The following CDH10 variants were observed in gnomAD, a reference collection of about 807,000 sequenced individuals.
CDH10 encodes cadherin 10.
CDH10 carries 30 observed loss-of-function variants against 73.1 expected under a neutral mutation model. That is an observed-to-expected ratio of 0.41 (90% CI 0.31 to 0.56). The LOEUF is 0.56. Among genes scored for constraint, CDH10 ranks in the 20% least tolerant of loss-of-function variants. CDH10 has a pLI of 0.27. For synonymous variants in CDH10, 345 were observed against 348.2 expected (o/e 0.99, Z 0.10); for missense variants, 815 against 973.7 (o/e 0.84, Z 2.17).
intron 2 of CDH10, among the ~76,000 whole-genome samples, chr5:24,539,976 T>C (rs1330301724): frequency 6.6e-6 from 1 of 152,084 alleles, no homozygotes; most frequent in Non-Finnish European, 1.5e-5. Context: ...TGAGCTGTTA[T>C]GGTTTACAGT....
chr5:24,625,248 T>A lies in CDH10; in HGVS notation c.-124+19346A>T, dbSNP rs113002808. ...CCCAATATACTGTTACTACCACTTT[T>A]ATCTTTGTCAAAGGACAGAACTCTC... is the stretch of plus-strand genomic sequence containing the variant. On this transcript the variant is annotated intron_variant, in intron 1 of 11. Coordinates refer to ENST00000264463, the MANE Select transcript of CDH10 (RefSeq NM_006727.5). Among the ~76,000 whole-genome samples the A allele has an allele frequency of 1.2e-3, 174 of 140,944 alleles. 1 individual carries two copies. The highest frequency in any genetic ancestry group is 7.2e-3 in the Middle Eastern group (2 of 278). 92.5% of individuals were successfully genotyped at this position (140,944 alleles called of 152,430 possible).
At chr5:24,557,085 T>G (rs1744793891) in intron 2 of CDH10, among the ~76,000 whole-genome samples, 1 of 151,812 alleles carries the variant, frequency 6.6e-6, no homozygotes, top group African/African-American at 2.4e-5. Context: ...TTGTGTGTAT[T>G]GTAGTGGTCA....
chr5:24,547,095 A>C (rs1744371165), intron 2 of CDH10, among the ~76,000 whole-genome samples: 1 of 152,256 alleles, frequency 6.6e-6, no homozygotes, highest in Non-Finnish European at 1.5e-5. Context: ...AGATCAGTGG[A>C]CTATGTATAC....
intron 6 of CDH10, among the ~76,000 whole-genome samples, chr5:24,510,705 G>A (rs73743609): frequency 0.039 from 5,870 of 152,262 alleles, 381 homozygotes; most frequent in African/African-American, 0.13. Flanking sequence ...TAATGCTTGT[G>A]TAGTTACTCT....
intron 1 of CDH10, among the ~76,000 whole-genome samples, chr5:24,632,909 AATG>A (rs1747751356): frequency 6.6e-6 from 1 of 150,988 alleles, no homozygotes; most frequent in Non-Finnish European, 1.5e-5. Context: ...TGATGATGAT[AATG>A]ATGATGAGGA....
intron 6 of CDH10, 150 bp from the exon 7 acceptor site, chr5:24,509,969 C>T (rs953968240): frequency 1.8e-6 from 1 of 567,230 alleles, no homozygotes; most frequent in Admixed American, 3.5e-5. Flanking sequence ...ATAATATAAT[C>T]TTCATGTTTC....
chr5:24,524,874 C>T (rs559798942), intron 5 of CDH10, among the ~76,000 whole-genome samples: 1 of 152,216 alleles, frequency 6.6e-6, no homozygotes, highest in African/African-American at 2.4e-5. Context: ...TCTGCACTGG[C>T]AGTTATTAAT....
At position 24,488,049 on chromosome 5, in the gene CDH10, C is replaced by A. The variant is rs2111610879; in HGVS notation, c.1981G>T (p.Gly661Cys). The change falls in exon 12 of 12, where the codon GGT (glycine) becomes TGT (cysteine). Residue 661 changes from glycine (G) to cysteine (C), a missense_variant. Around this residue, in one of 3 missense-constraint regions of CDH10, gnomAD observed 241 missense variants for 240.3 expected, o/e 1.00. Coordinates refer to ENST00000264463, the MANE Select transcript of CDH10 (RefSeq NM_006727.5). ...RDNIVSYNDE[G>C]GGEEDTQAFD... ...GCCTGGGTGTCCTCCTCTCCACCAC[C>A]CTCATCGTTATAGCTCACAATGTTG... 6.2e-7 allele frequency: 1 copy of A among 1,613,948 alleles called. No homozygotes were observed. The highest frequency in any genetic ancestry group is 8.5e-7 in the Non-Finnish European group (1 of 1,179,936).
intron 1 of CDH10, among the ~76,000 whole-genome samples, chr5:24,632,575 G>A (rs903768737): frequency 6.6e-6 from 1 of 152,022 alleles, no homozygotes; most frequent in South Asian, 2.1e-4. Flanking sequence ...GGCTGTGCAT[G>A]AGAAATGGCA....
At chr5:24,617,488 GT>G (rs1561198517) in intron 1 of CDH10, among the ~76,000 whole-genome samples, 1 of 152,094 alleles carries the variant, frequency 6.6e-6, no homozygotes, top group Non-Finnish European at 1.5e-5. Context: ...GATAAAATTA[GT>G]TGACTATTTG....
intron 1 of CDH10, among the ~76,000 whole-genome samples, chr5:24,606,621 G>A (rs112668787): frequency 0.024 from 3,674 of 151,414 alleles, 93 homozygotes; most frequent in African/African-American, 0.07. Context: ...CAAAAACAAA[G>A]AACAAACAAA....
intron 5 of CDH10, among the ~76,000 whole-genome samples, chr5:24,520,548 T>C (rs2111811317): frequency 6.6e-6 from 1 of 152,290 alleles, no homozygotes; most frequent in Non-Finnish European, 1.5e-5. Flanking sequence ...TCAGATACTA[T>C]CACACGGTAA....
chr5:24,623,604 G>A (rs990481142), intron 1 of CDH10, among the ~76,000 whole-genome samples: 5 of 152,114 alleles, frequency 3.3e-5, no homozygotes, highest in African/African-American at 9.7e-5. Context: ...GATATTTTCA[G>A]GTCCAGCAGG....
chr5:24,548,727 A>G (rs1744436580), intron 2 of CDH10, among the ~76,000 whole-genome samples: 1 of 152,140 alleles, frequency 6.6e-6, no homozygotes, highest in Admixed American at 6.5e-5. Context: ...ATAATCTGAT[A>G]AACAAAAAGA....
intron 2 of CDH10, among the ~76,000 whole-genome samples, chr5:24,542,542 A>C (rs1212184400): frequency 1.3e-5 from 2 of 152,180 alleles, no homozygotes; most frequent in Non-Finnish European, 2.9e-5. Context: ...AGGTATGTAG[A>C]AGGTTATACC....
chr5:24,618,442 C>CA (rs143082276), intron 1 of CDH10, among the ~76,000 whole-genome samples: 3,114 of 152,248 alleles, frequency 0.02, 45 homozygotes, highest in South Asian at 0.044. Flanking sequence ...TCTTAAAACT[C>CA]ATGTGATTAT....
At chr5:24,537,017 C>A (rs1037831068) in intron 3 of CDH10, among the ~76,000 whole-genome samples, 1 of 151,316 alleles carries the variant, frequency 6.6e-6, no homozygotes, top group East Asian at 1.9e-4. Context: ...GATTATATAA[C>A]CTCTATGGTA....
chr5:24,503,115 A>T (rs1036838823), intron 8 of CDH10, among the ~76,000 whole-genome samples: 3 of 152,186 alleles, frequency 2.0e-5, no homozygotes, highest in Non-Finnish European at 4.4e-5. Flanking sequence ...ATTGCTGATG[A>T]TCTGTCTAGC....
chr5:24,619,868 C>T (rs1043621337), intron 1 of CDH10, among the ~76,000 whole-genome samples: 1 of 152,116 alleles, frequency 6.6e-6, no homozygotes, highest in Non-Finnish European at 1.5e-5. Context: ...AGGGCCTCGC[C>T]GTATACTGAC....
Sources: allele counts gnomAD v4.1 joint callset (sites outside exome capture counted in the v4.1 genomes callset), GRCh38; gene constraint gnomAD v4.1.1; regional missense constraint gnomAD v4.1.1; transcripts MANE v1.5; gene names NCBI Gene and HGNC (gene_info 2026-07-23, HGNC 2026-07-21).